ATP2C2: variants seen among roughly 807,000 people sequenced by gnomAD.
ATP2C2 encodes the protein ATPase secretory pathway Ca2+ transporting 2, also known as calcium-transporting ATPase type 2C member 2.
A neutral mutation model predicts 110.8 loss-of-function variants in ATP2C2; 171 were observed. That is an observed-to-expected ratio of 1.54 (90% confidence interval 1.36 to 1.75). The LOEUF is 1.75. ATP2C2 is among the 40% of genes most tolerant of loss of function. ATP2C2 has a pLI of 0.00. For synonymous variants in ATP2C2, 804 were observed against 508.4 expected, an observed-to-expected ratio of 1.58 and a Z score of -7.82; for missense variants, 1,963 against 1,235.0, an observed-to-expected ratio of 1.59 and a Z score of -8.84.
intron 7 of ATP2C2, among the ~76,000 whole-genome samples, chr16:84,421,745 T>G (rs1907359116): frequency 6.6e-6 from 1 of 152,232 alleles, no homozygotes; most frequent in South Asian, 2.1e-4. Context: ...TACGGAAACT[T>G]GAACAAATTA....
rs184696879 is a variant in ATP2C2 at position 84,461,427 on chromosome 16, G to A, written c.2482-287G>A. 1,572 of 545,640 alleles carry A rather than the reference G, an allele frequency of 2.9e-3. 8 individuals carry two copies. Among genetic ancestry groups the A allele is most frequent in the Non-Finnish European group, 4.0e-3 (1,222 of 305,184 alleles). The allele number at this position is 545,640 out of a possible 1,614,324, so 33.8% of individuals were successfully genotyped here. A position where few individuals can be genotyped will look rare whatever the true frequency, so the allele number is the denominator to read the frequency against. On this transcript the variant is annotated intron_variant, in intron 24 of 26. Transcript: ENST00000262429. Reference sequence around the variant, plus strand: ...CTTCACTCTGGGTTTAACTGGAGTGGCATCACCTCCCAGGGAGACAGTTAC... The same window carrying A: ...CTTCACTCTGGGTTTAACTGGAGTGACATCACCTCCCAGGGAGACAGTTAC...
At chr16:84,405,420 C>T (rs559592047) in intron 3 of ATP2C2, among the ~76,000 whole-genome samples, 176 bp downstream of exon 3, 6 of 152,132 alleles carry the variant, frequency 3.9e-5, no homozygotes, top group East Asian at 3.9e-4. Context: ...CAGGCAACCG[C>T]GATCAGGAAA....
intron 15 of ATP2C2, among the ~76,000 whole-genome samples, chr16:84,445,409 C>A (rs1267837635): frequency 6.6e-6 from 1 of 152,028 alleles, no homozygotes; most frequent in Admixed American, 6.6e-5. Context: ...AGGGTTTCAC[C>A]ATGTTAGTCA....
At chr16:84,412,866 T>C (rs1906500937) in intron 6 of ATP2C2, among the ~76,000 whole-genome samples, 1 of 151,706 alleles carries the variant, frequency 6.6e-6, no homozygotes, top group Non-Finnish European at 1.5e-5. Flanking sequence ...GAGGCCGAGG[T>C]AGGCAGCTCA....
chr16:84,380,866 TTAATTA>T (rs1199567319), intron 1 of ATP2C2, among the ~76,000 whole-genome samples: 2 of 152,220 alleles, frequency 1.3e-5, no homozygotes, highest in East Asian at 3.8e-4. Flanking sequence ...CAATAATTAT[TTAATTA>T]TAAGTAATTA....
chr16:84,422,704 G>T lies in ATP2C2; in HGVS notation c.843+7G>T. 1 of 1,601,680 alleles carries T rather than the reference G, an allele frequency of 6.2e-7. No individual in the cohort carries two copies. The highest frequency in any genetic ancestry group is 1.8e-5 in the Admixed American group (1 of 55,784). On this transcript the variant is annotated splice_region_variant and intron_variant, in intron 9 of 26. Transcript: ENST00000262429. ...GATGATGCAGGCTGAAGAGGTAAGGGGCAGGAGGGGGCTTCGGGACTTTTG... is the reference window on the plus strand; with the variant it reads ...GATGATGCAGGCTGAAGAGGTAAGGTGCAGGAGGGGGCTTCGGGACTTTTG...
At chr16:84,376,890 G>T (rs1449682382) in intron 1 of ATP2C2, among the ~76,000 whole-genome samples, 1 of 152,234 alleles carries the variant, frequency 6.6e-6, no homozygotes, top group Non-Finnish European at 1.5e-5. Flanking sequence ...AGTGAGGCTG[G>T]CCCTGCTGAA....
chr16:84,415,314 A>G (rs1271262606), intron 6 of ATP2C2, among the ~76,000 whole-genome samples, 169 bp from the exon 7 acceptor site: 1 of 152,190 alleles, frequency 6.6e-6, no homozygotes, highest in Non-Finnish European at 1.5e-5. Flanking sequence ...TACTTTCTCT[A>G]AAGTCTTATA....
At chr16:84,455,079 T>A in intron 21 of ATP2C2, 95 bp downstream of exon 21, 82 of 1,070,206 alleles carry the variant, frequency 7.7e-5, no homozygotes, top group East Asian at 2.3e-4. Flanking sequence ...GAGGGGGGGG[T>A]CTCGCGGAGT....
chr16:84,403,402 C>A (rs1247377560), intron 2 of ATP2C2, among the ~76,000 whole-genome samples: 1 of 152,078 alleles, frequency 6.6e-6, no homozygotes, highest in African/African-American at 2.4e-5. Flanking sequence ...ACCTCCTGGG[C>A]TTAAGCAATC....
At chr16:84,403,214 C>G (rs181508648) in intron 2 of ATP2C2, among the ~76,000 whole-genome samples, 1 of 151,672 alleles carries the variant, frequency 6.6e-6, no homozygotes, top group East Asian at 1.9e-4. Flanking sequence ...TTTTGTTTAC[C>G]TTTAAAAAAA....
At chr16:84,458,433 C>G (rs4782968) in intron 21 of ATP2C2, among the ~76,000 whole-genome samples, 87,786 of 136,140 alleles carry the variant, frequency 0.64, 29,070 homozygotes, top group Non-Finnish European at 0.73. Flanking sequence ...CAGCATGGCA[C>G]ATGTATACAT....
At position 84,455,000 on chromosome 16, in the gene ATP2C2, G is replaced by C. The variant is rs751120172; in HGVS notation, c.2147+16G>C. 1.9e-6 allele frequency: 3 copies of C among 1,610,070 alleles called. No individual in the cohort carries two copies. The highest frequency in any genetic ancestry group is 2.5e-6 in the Non-Finnish European group (3 of 1,178,228). ...CAGCCATCATGTAAGCTGCCCTTCT[G>C]GTTGTTTTTCAGTTGCAAAAATGCC... On this transcript the variant is annotated intron_variant, in intron 21 of 26. Transcript: ENST00000262429.
chr16:84,409,801 C>A (rs1906109543), intron 4 of ATP2C2, among the ~76,000 whole-genome samples: 1 of 152,152 alleles, frequency 6.6e-6, no homozygotes, highest in South Asian at 2.1e-4. Context: ...CTGTGCCTGG[C>A]CTGAGCACCT....
intron 16 of ATP2C2, among the ~76,000 whole-genome samples, chr16:84,447,317 T>G (rs1474530004): frequency 6.6e-6 from 1 of 152,194 alleles, no homozygotes; most frequent in African/African-American, 2.4e-5. Context: ...AAAAAACTTT[T>G]AGACCTTTAA....
Position 84,463,784 on chromosome 16 carries a change from G to T in ATP2C2, c.*52G>T. ...TAATCATCTCGATCTGGTTGTGACT[G>T]TGGCCCCTGCCGTGTCTCCTCGTCA... On this transcript the variant is annotated 3_prime_UTR_variant, in exon 27 of 27. Transcript: ENST00000262429. 1.3e-6 allele frequency: 2 copies of T among 1,493,356 alleles called. No homozygotes were observed. Among genetic ancestry groups the T allele is most frequent in the Non-Finnish European group, 1.9e-6 (2 of 1,071,642 alleles). 92.5% of individuals were successfully genotyped at this position (1,493,356 alleles called of 1,614,324 possible).
rs938817503 is a variant in ATP2C2 at position 84,426,635 on chromosome 16, C to T, written c.986+834C>T. 6.6e-5 allele frequency among the ~76,000 whole-genome samples: 10 copies of T among 152,224 alleles called. No individual in the cohort carries two copies. The East Asian group carries it at 9.6e-4, about 15-fold the overall frequency. On this transcript the variant is annotated intron_variant, in intron 11 of 26. Transcript: ENST00000262429. ...AATGCTCATATACCCTCTCCTAGGG[C>T]GACTGTCTGGATTAAAGGAGTTAGT...
At chr16:84,431,419 T>G (rs980951594) in intron 11 of ATP2C2, among the ~76,000 whole-genome samples, 3 of 151,816 alleles carry the variant, frequency 2.0e-5, no homozygotes, top group East Asian at 1.9e-4. Flanking sequence ...TCGCTTGAAC[T>G]TGGGAGGCAG....
intron 21 of ATP2C2, among the ~76,000 whole-genome samples, chr16:84,455,592 T>C (rs1414943093): frequency 6.6e-6 from 1 of 152,096 alleles, no homozygotes; most frequent in East Asian, 1.9e-4. Context: ...TCTGAGACTC[T>C]CCTCATAAGC....
Sources: allele counts gnomAD v4.1 joint callset (sites outside exome capture counted in the v4.1 genomes callset), GRCh38; gene constraint gnomAD v4.1.1; transcripts MANE v1.5; gene names NCBI Gene and HGNC (gene_info 2026-07-23, HGNC 2026-07-21).